Variants in PTK2B observed in about 807,000 individuals in gnomAD.
PTK2B encodes the protein protein-tyrosine kinase 2-beta.
Under a neutral mutation model 142.9 loss-of-function variants are expected in PTK2B, and 71 were observed. The ratio of observed to expected loss-of-function variants is 0.50; its 90% CI spans 0.41 to 0.61. The LOEUF (loss-of-function observed/expected upper bound fraction) is 0.61. Among genes scored for constraint, PTK2B ranks in the 20% least tolerant of loss-of-function variants. PTK2B has a pLI of 0.00. For missense variants in PTK2B, 1,105 were observed against 1,320.4 expected (o/e 0.84, Z 2.53); for synonymous variants, 519 against 503.4 (o/e 1.03, Z -0.42).
chr8:27,450,959 G>A, intron 25 of PTK2B, 64 bp downstream of exon 25: 1 of 1,612,490 alleles, frequency 6.2e-7, no homozygotes, highest in Non-Finnish European at 8.5e-7. Context: ...ACCTCCCCAG[G>A]TGGCTGGGGC....
chr8:27,444,514 G>C (rs1440948606), intron 23 of PTK2B, among the ~76,000 whole-genome samples: 1 of 152,138 alleles, frequency 6.6e-6, no homozygotes, highest in African/African-American at 2.4e-5. Context: ...TACATCATCT[G>C]CTGCTTTGTG....
intron 1 of PTK2B, among the ~76,000 whole-genome samples, chr8:27,349,634 G>A (rs868059478): frequency 6.6e-6 from 1 of 152,104 alleles, no homozygotes; most frequent in African/African-American, 2.4e-5. Flanking sequence ...AAGAGCACCT[G>A]GCATGTCTCA....
At chr8:27,444,944 A>G (rs899944472) in intron 23 of PTK2B, among the ~76,000 whole-genome samples, 3 of 152,196 alleles carry the variant, frequency 2.0e-5, no homozygotes. Flanking sequence ...ATTTGTTCTC[A>G]AGGAAATGCC....
intron 1 of PTK2B, among the ~76,000 whole-genome samples, chr8:27,327,565 G>A (rs1355879050): frequency 1.3e-5 from 2 of 152,200 alleles, no homozygotes. Context: ...GCGCAATGCT[G>A]TGAAGTAAAG....
At chr8:27,454,873 G>A (rs1255059946) in intron 30 of PTK2B, among the ~76,000 whole-genome samples, 3 of 152,118 alleles carry the variant, frequency 2.0e-5, no homozygotes, top group African/African-American at 7.2e-5. Flanking sequence ...ATGCTAAAGG[G>A]GACACACCTT....
At chr8:27,327,213 G>A (rs1403524347) in intron 1 of PTK2B, among the ~76,000 whole-genome samples, 5 of 152,126 alleles carry the variant, frequency 3.3e-5, no homozygotes, top group Non-Finnish European at 7.3e-5. Flanking sequence ...GTGCAGGGGC[G>A]AGGGGAAGCT....
intron 1 of PTK2B, among the ~76,000 whole-genome samples, chr8:27,350,223 A>G (rs1804962325): frequency 6.6e-6 from 1 of 152,234 alleles, no homozygotes; most frequent in South Asian, 2.1e-4. Context: ...AATGGAGGAT[A>G]CATTAAGCAA....
intron 1 of PTK2B, among the ~76,000 whole-genome samples, chr8:27,383,466 G>A (rs529762363): frequency 2.0e-5 from 3 of 152,074 alleles, no homozygotes; most frequent in South Asian, 2.1e-4. Flanking sequence ...GGCTGGTCTC[G>A]AAATGGCTGG....
chr8:27,333,079 G>A (rs1452556917), intron 1 of PTK2B, among the ~76,000 whole-genome samples: 1 of 152,240 alleles, frequency 6.6e-6, no homozygotes. Flanking sequence ...AATGCTTCCT[G>A]GAGGAGACGG....
intron 1 of PTK2B, among the ~76,000 whole-genome samples, chr8:27,361,810 A>G (rs1305631421): frequency 1.3e-5 from 2 of 152,134 alleles, no homozygotes; most frequent in African/African-American, 2.4e-5. Context: ...TGGATGGACT[A>G]GGCTGTGAAG....
chr8:27,427,140 CT>C lies in PTK2B; in HGVS notation c.552-2952del, dbSNP rs557712905. Among the ~76,000 whole-genome samples the C allele has an allele frequency of 2.7e-4, 41 of 152,290 alleles. 3 individuals carry two copies. In the South Asian group the frequency reaches 8.5e-3, roughly 32 times the overall value. ...TCCCTTTTCAGCGTAGTAAACTCTT[CT>C]ATCTTCTGGCACCTTTAGAAAACAT... On this transcript the variant is annotated intron_variant, in intron 5 of 30. Transcript: ENST00000346049.
intron 1 of PTK2B, among the ~76,000 whole-genome samples, chr8:27,352,216 T>A (rs553894777): frequency 6.6e-6 from 1 of 152,224 alleles, no homozygotes. Context: ...TGGCTCCCCA[T>A]CACCCCATTA....
At chr8:27,377,745 G>A (rs1410982228) in intron 1 of PTK2B, among the ~76,000 whole-genome samples, 1 of 152,204 alleles carries the variant, frequency 6.6e-6, no homozygotes, top group African/African-American at 2.4e-5. Flanking sequence ...CATTAAAATG[G>A]AGACTCCATT....
At chr8:27,400,946 G>A (rs1808346469) in intron 2 of PTK2B, among the ~76,000 whole-genome samples, 1 of 151,872 alleles carries the variant, frequency 6.6e-6, no homozygotes, top group South Asian at 2.1e-4. Flanking sequence ...AGGCGTTCGA[G>A]ACCAGCCTGG....
chr8:27,418,737 G>T (rs1809556218), intron 2 of PTK2B, among the ~76,000 whole-genome samples: 1 of 152,118 alleles, frequency 6.6e-6, no homozygotes, highest in African/African-American at 2.4e-5. Flanking sequence ...AAGTTAAAAT[G>T]GCACCAAAGT....
intron 1 of PTK2B, among the ~76,000 whole-genome samples, chr8:27,359,399 AG>A (rs2130727455): frequency 6.6e-6 from 1 of 152,320 alleles, no homozygotes; most frequent in African/African-American, 2.4e-5. Flanking sequence ...TACAGGCGTG[AG>A]CCACTGCACC....
Position 27,363,931 on chromosome 8 carries a change from G to A in PTK2B, c.-37-33617G>A, listed in dbSNP as rs1805864516. The stretch of plus-strand genomic sequence containing the variant: ...CGCTGCAGGGCTAAGATTAGACTAG[G>A]GCCCGGCCGCCTGTCTTGACACATG... On this transcript the variant is annotated intron_variant, in intron 1 of 30. Coordinates refer to ENST00000346049, the MANE Select transcript of PTK2B (RefSeq NM_173176.3). The surrounding 1 kb of genome is among the most constrained non-coding windows in gnomAD (Gnocchi z 4.3). 6.6e-6 allele frequency among the ~76,000 whole-genome samples: 1 copy of A among 152,082 alleles called. No individual in the cohort carries two copies.
chr8:27,314,241 G>T (rs973319321), intron 3 of PTK2B, among the ~76,000 whole-genome samples: 1 of 152,184 alleles, frequency 6.6e-6, no homozygotes, highest in Non-Finnish European at 1.5e-5. Context: ...TCTATCTTTA[G>T]GTCTTCATTC....
At chr8:27,357,558 G>A (rs1249822013) in intron 1 of PTK2B, among the ~76,000 whole-genome samples, 1 of 152,214 alleles carries the variant, frequency 6.6e-6, no homozygotes, top group Admixed American at 6.5e-5. Context: ...CCAACCACCA[G>A]CTTTGAAGGA....
Sources: gnomAD v4.1 joint callset for allele counts (sites outside exome capture counted in the v4.1 genomes callset) on GRCh38, gnomAD v4.1.1 for gene constraint, Gnocchi (gnomAD v3.1) non-coding constraint, MANE v1.5 for transcripts, NCBI Gene and HGNC (gene_info 2026-07-23, HGNC 2026-07-21) for gene names.